PTK2B: variants seen among roughly 807,000 people sequenced by gnomAD.
PTK2B encodes protein-tyrosine kinase 2-beta.
Under a neutral mutation model 142.9 loss-of-function variants are expected in PTK2B, and 71 were observed. That is an observed-to-expected ratio of 0.50 (90% CI 0.41 to 0.61). The LOEUF is 0.61. Ranked by LOEUF, PTK2B falls within the 20% of genes least tolerant of loss-of-function variation. The pLI, the probability that PTK2B is intolerant of heterozygous loss-of-function variation, is 0.00. For missense variants in PTK2B, 1,105 were observed against 1,320.4 expected (o/e 0.84, Z 2.53); for synonymous variants, 519 against 503.4 (o/e 1.03, Z -0.42).
Position 27,419,892 on chromosome 8 carries a change from C to T in PTK2B, c.205-3C>T. On this transcript the variant is annotated splice_polypyrimidine_tract_variant and splice_region_variant and intron_variant, in intron 2 of 30. Transcript: ENST00000346049. ...AGTCATGCCTCTCTCTTCTCCTCTG[C>T]AGGAGATCATCACCTCCATCCTGCT... is the stretch of plus-strand genomic sequence containing the variant. 6.2e-7 allele frequency: 1 copy of T among 1,614,074 alleles called. No individual in the cohort carries two copies. Among genetic ancestry groups the T allele is most frequent in the Middle Eastern group, 1.7e-4 (1 of 6,048 alleles).
chr8:27,455,137 A>G (rs1158017158), intron 30 of PTK2B, among the ~76,000 whole-genome samples: 4 of 152,088 alleles, frequency 2.6e-5, no homozygotes, highest in African/African-American at 4.8e-5. Context: ...GCCACCTTCC[A>G]TGGCAAAAGA....
At chr8:27,387,144 G>A (rs931034513) in intron 1 of PTK2B, among the ~76,000 whole-genome samples, 1 of 152,132 alleles carries the variant, frequency 6.6e-6, no homozygotes, top group African/African-American at 2.4e-5. Flanking sequence ...GTGGAGGGAA[G>A]GTTGGGGGTC....
chr8:27,339,772 C>T (rs1804285769), intron 1 of PTK2B, among the ~76,000 whole-genome samples: 1 of 152,208 alleles, frequency 6.6e-6, no homozygotes, highest in African/African-American at 2.4e-5. Flanking sequence ...CATACATGGC[C>T]TGGACTCCTT....
At chr8:27,369,216 C>G (rs1806194660) in intron 1 of PTK2B, among the ~76,000 whole-genome samples, 1 of 152,158 alleles carries the variant, frequency 6.6e-6, no homozygotes. Context: ...TCCTCCACAC[C>G]CCCTGCCCTA....
chr8:27,310,836 C>T (rs1416054396), upstream of PTK2B: 2 of 1,607,360 alleles, frequency 1.2e-6, no homozygotes, highest in Non-Finnish European at 1.7e-6. Context: ...ACCGGCTGCA[C>T]GCGGTGCCCC....
intron 1 of PTK2B, among the ~76,000 whole-genome samples, chr8:27,354,152 TG>T (rs1805264535): frequency 6.6e-6 from 1 of 152,182 alleles, no homozygotes; most frequent in South Asian, 2.1e-4. Context: ...TGGTGGCTAA[TG>T]GTGTCTGAGC....
intron 24 of PTK2B, among the ~76,000 whole-genome samples, chr8:27,450,419 GACA>G (rs1053982287): frequency 3.9e-5 from 6 of 152,148 alleles, no homozygotes; most frequent in Admixed American, 2.0e-4. Flanking sequence ...TATATTAAAT[GACA>G]ACAACCATCA....
chr8:27,443,798 A>C (rs1026089145), intron 22 of PTK2B, among the ~76,000 whole-genome samples: 3 of 152,112 alleles, frequency 2.0e-5, no homozygotes, highest in African/African-American at 7.2e-5. Flanking sequence ...CTTGCCTGGC[A>C]TGTCCCACCC....
chr8:27,354,792 T>C (rs1195805815), intron 1 of PTK2B, among the ~76,000 whole-genome samples: 1 of 152,166 alleles, frequency 6.6e-6, no homozygotes, highest in Non-Finnish European at 1.5e-5. Flanking sequence ...TTGGCCTGCT[T>C]GTAGGATCTC....
At chr8:27,360,979 T>C (rs1805667014) in intron 1 of PTK2B, among the ~76,000 whole-genome samples, 1 of 152,184 alleles carries the variant, frequency 6.6e-6, no homozygotes, top group Admixed American at 6.5e-5. Context: ...TTTGTTGATA[T>C]GAAGTTAAGG....
At chr8:27,455,874 C>T (rs1350136040) in intron 30 of PTK2B, among the ~76,000 whole-genome samples, 1 of 152,266 alleles carries the variant, frequency 6.6e-6, no homozygotes, top group Non-Finnish European at 1.5e-5. Context: ...GGTTCTCCGT[C>T]TGGAGCCCTT....
At chr8:27,326,306 G>A (rs942348736) in intron 1 of PTK2B, among the ~76,000 whole-genome samples, 1 of 151,976 alleles carries the variant, frequency 6.6e-6, no homozygotes, top group African/African-American at 2.4e-5. Context: ...CGCCTCCTGA[G>A]TGCCACTCAA....
intron 1 of PTK2B, among the ~76,000 whole-genome samples, chr8:27,346,070 C>T (rs1586126738): frequency 6.6e-6 from 1 of 152,180 alleles, no homozygotes. Context: ...TTCCCTCTTG[C>T]AATTTTGAAG....
chr8:27,442,854 A>G (rs2132281916), intron 21 of PTK2B, 21 bp from the exon 22 acceptor site: 2 of 1,601,030 alleles, frequency 1.2e-6, no homozygotes, highest in Non-Finnish European at 1.7e-6. Context: ...TTCTCTCCTT[A>G]TCTGACGTGA....
At chr8:27,413,663 A>G (rs536307136) in intron 2 of PTK2B, among the ~76,000 whole-genome samples, 1 of 152,316 alleles carries the variant, frequency 6.6e-6, no homozygotes, top group Admixed American at 6.5e-5. Context: ...TAGGGACGTA[A>G]ACCATGATGA....
intron 2 of PTK2B, among the ~76,000 whole-genome samples, chr8:27,405,828 C>T (rs1250491784): frequency 6.6e-6 from 1 of 152,208 alleles, no homozygotes; most frequent in Non-Finnish European, 1.5e-5. Context: ...TGAATGCTTT[C>T]AGGGTGTTAA....
At chr8:27,334,734 C>T (rs970386118) in intron 1 of PTK2B, among the ~76,000 whole-genome samples, 1 of 152,170 alleles carries the variant, frequency 6.6e-6, no homozygotes, top group African/African-American at 2.4e-5. Context: ...ACAGCGCTTC[C>T]TCATTCCCCG....
chr8:27,324,368 T>A (rs1803304353), upstream of PTK2B, among the ~76,000 whole-genome samples: 1 of 152,244 alleles, frequency 6.6e-6, no homozygotes, highest in Non-Finnish European at 1.5e-5. Flanking sequence ...GCAGTGCCCA[T>A]CAATGGGTTG....
At chr8:27,349,142 T>C (rs1029777549) in intron 1 of PTK2B, among the ~76,000 whole-genome samples, 3 of 152,202 alleles carry the variant, frequency 2.0e-5, no homozygotes, top group Non-Finnish European at 4.4e-5. Flanking sequence ...TCATTGTGAC[T>C]TAACTAAAGT....
Sources: allele counts gnomAD v4.1 joint callset (sites outside exome capture counted in the v4.1 genomes callset), GRCh38; gene constraint gnomAD v4.1.1; transcripts MANE v1.5; gene names NCBI Gene and HGNC (gene_info 2026-07-23, HGNC 2026-07-21).